The following AP3S2 variants were observed in gnomAD, a reference collection of about 807,000 sequenced individuals.
AP3S2 encodes adaptor related protein complex 3 subunit sigma 2, also known as AP-3 complex subunit sigma-2.
A neutral mutation model predicts 23.4 loss-of-function variants in AP3S2; 22 were observed. That is an observed-to-expected ratio of 0.94 (90% confidence interval 0.67 to 1.34). AP3S2 has a LOEUF of 1.34. Among genes scored for constraint, AP3S2 ranks in the 40% most tolerant of loss-of-function variants. AP3S2 has a pLI of 0.00. For missense variants in AP3S2, 241 were observed against 236.9 expected (o/e 1.02, Z -0.11); for synonymous variants, 86 against 87.1 (o/e 0.99, Z 0.07).
chr15:89,866,933 A>G (rs1896138529), intron 4 of AP3S2, among the ~76,000 whole-genome samples: 1 of 151,280 alleles, frequency 6.6e-6, no homozygotes, highest in African/African-American at 2.4e-5. Flanking sequence ...ACACCTCAAT[A>G]CACCTCTCCA....
intron 4 of AP3S2, among the ~76,000 whole-genome samples, chr15:89,849,476 C>CT (rs1424861100): frequency 6.6e-6 from 1 of 152,062 alleles, no homozygotes; most frequent in Non-Finnish European, 1.5e-5. Flanking sequence ...AAGTGATTCT[C>CT]TTGCCTCAGA....
At chr15:89,881,492 A>C (rs892333528) in intron 3 of AP3S2, among the ~76,000 whole-genome samples, 17 of 152,232 alleles carry the variant, frequency 1.1e-4, no homozygotes, top group African/African-American at 3.9e-4. Context: ...TGCCAATTAT[A>C]ATTGTTAAGA....
chr15:89,877,372 G>A lies in AP3S2; in HGVS notation c.274-5826C>T, dbSNP rs746932427. The A allele has an allele frequency of 3.9e-6, 5 of 1,293,280 alleles. No homozygotes were observed. In the South Asian group the frequency reaches 4.9e-5, roughly 13 times the overall value. The allele number at this position is 1,293,280 out of a possible 1,614,324, so 80.1% of individuals were successfully genotyped here. ...AGGTCCTTGTTCCCAAAGAGCTAGT[G>A]TTCCAGTTTGTAGGGTGTTGCACTG... is the stretch of plus-strand genomic sequence containing the variant. On this transcript the variant is annotated intron_variant, in intron 3 of 5. Coordinates refer to ENST00000336418, the MANE Select transcript of AP3S2 (RefSeq NM_005829.5).
intron 4 of AP3S2, among the ~76,000 whole-genome samples, chr15:89,850,353 T>C (rs948891748): frequency 2.6e-5 from 4 of 152,238 alleles, no homozygotes; most frequent in South Asian, 2.1e-4. Context: ...GGGCAATGAA[T>C]GAATCCAGTG....
At chr15:89,844,691 G>A (rs1895443529) in intron 4 of AP3S2, among the ~76,000 whole-genome samples, 2 of 151,548 alleles carry the variant, frequency 1.3e-5, no homozygotes, top group African/African-American at 4.9e-5. Context: ...TGCCATTATT[G>A]CAAAAAACTC....
intron 3 of AP3S2, 96 bp downstream of exon 3, chr15:89,888,425 A>G: frequency 1.7e-6 from 2 of 1,199,818 alleles, no homozygotes; most frequent in East Asian, 2.4e-5. Flanking sequence ...TACTAGTATC[A>G]ATAAGGAGAT....
intron 4 of AP3S2, among the ~76,000 whole-genome samples, chr15:89,863,909 T>C (rs1231471229): frequency 2.6e-5 from 4 of 152,194 alleles, no homozygotes. Context: ...GAAGAAGCTA[T>C]ACTTGAATTA....
intron 4 of AP3S2, among the ~76,000 whole-genome samples, chr15:89,850,219 T>A (rs1372729523): frequency 1.3e-5 from 2 of 152,228 alleles, no homozygotes; most frequent in African/African-American, 4.8e-5. Flanking sequence ...TGTTTGATCT[T>A]CAGACTGGAC....
intron 3 of AP3S2, among the ~76,000 whole-genome samples, chr15:89,885,433 T>C (rs1028383853): frequency 9.2e-5 from 14 of 152,014 alleles, no homozygotes; most frequent in Non-Finnish European, 5.9e-5. Context: ...AAACTCCTGG[T>C]CTCAAGTGAT....
At chr15:89,864,867 G>A (rs1305651698) in intron 4 of AP3S2, among the ~76,000 whole-genome samples, 1 of 151,976 alleles carries the variant, frequency 6.6e-6, no homozygotes, top group African/African-American at 2.4e-5. Context: ...TTAAATCACA[G>A]GCAGACAACC....
intron 4 of AP3S2, among the ~76,000 whole-genome samples, chr15:89,867,032 C>T (rs1221561671): frequency 7.7e-6 from 1 of 129,122 alleles, no homozygotes; most frequent in Non-Finnish European, 1.6e-5. Context: ...CCCCCTCTCC[C>T]TCTCCCTCTC....
At chr15:89,837,177 A>G (rs946314095) in intron 5 of AP3S2, among the ~76,000 whole-genome samples, 1 of 152,138 alleles carries the variant, frequency 6.6e-6, no homozygotes. Flanking sequence ...GAAATTGGCA[A>G]CTCTGAGGTC....
At chr15:89,880,542 T>C (rs1356637754) in intron 3 of AP3S2, among the ~76,000 whole-genome samples, 1 of 151,836 alleles carries the variant, frequency 6.6e-6, no homozygotes, top group East Asian at 1.9e-4. Flanking sequence ...GGTGCGGTGG[T>C]GGGCGCCTAT....
At chr15:89,839,432 T>C (rs1411750989) in intron 4 of AP3S2, among the ~76,000 whole-genome samples, 1 of 152,236 alleles carries the variant, frequency 6.6e-6, no homozygotes, top group Non-Finnish European at 1.5e-5. Flanking sequence ...TTACATTTTA[T>C]ACAATATGAA....
In AP3S2 at chr15:89,840,256, T is replaced by C. The variant is rs542626100; in HGVS notation, c.346-2534A>G. Among the ~76,000 whole-genome samples, 5 of 152,198 alleles carry C rather than the reference T, an allele frequency of 3.3e-5. No homozygotes were observed. The South Asian group carries it at 8.3e-4, about 25-fold the overall frequency. On this transcript the variant is annotated intron_variant, in intron 4 of 5. Transcript: ENST00000336418. ...ACAATTTAACAAAAAAGGAGAGAAA[T>C]AGTCCTCTATACCTGCACTTTCAGT...
chr15:89,835,661 G>A lies in AP3S2; in HGVS notation c.454-18C>T, dbSNP rs758251712. 3.1e-6 allele frequency: 5 copies of A among 1,595,936 alleles called. No homozygotes were observed. Among genetic ancestry groups the A allele is most frequent in the Non-Finnish European group, 3.4e-6 (4 of 1,174,218 alleles). ...AGGCCACCCTAAGAAGAAATGAGAG[G>A]CGAGTATGAGACAAATTCTCACTGT... On this transcript the variant is annotated intron_variant, in intron 5 of 5. Transcript: ENST00000336418.
intron 4 of AP3S2, among the ~76,000 whole-genome samples, chr15:89,868,809 G>A (rs1366661438): frequency 3.9e-5 from 5 of 128,734 alleles, no homozygotes; most frequent in East Asian, 2.3e-4. Context: ...CGCCCCGTCC[G>A]GGAGGGAGGT....
intron 1 of AP3S2, among the ~76,000 whole-genome samples, chr15:89,892,074 T>C (rs754943730): frequency 6.6e-6 from 1 of 152,204 alleles, no homozygotes; most frequent in Non-Finnish European, 1.5e-5. Flanking sequence ...AGATACATGC[T>C]ACAACATGGA....
At chr15:89,849,743 T>C (rs1302572788) in intron 4 of AP3S2, among the ~76,000 whole-genome samples, 1 of 152,136 alleles carries the variant, frequency 6.6e-6, no homozygotes, top group Non-Finnish European at 1.5e-5. Context: ...GGTTTTTACA[T>C]AGCTATACAC....
Sources: allele counts gnomAD v4.1 joint callset (sites outside exome capture counted in the v4.1 genomes callset), GRCh38; gene constraint gnomAD v4.1.1; transcripts MANE v1.5; gene names NCBI Gene and HGNC (gene_info 2026-07-23, HGNC 2026-07-21).